SEMA3C: variants seen among roughly 807,000 people sequenced by gnomAD.
SEMA3C encodes semaphorin 3C.
Under a neutral mutation model 89.4 loss-of-function variants are expected in SEMA3C, and 47 were observed. The ratio of observed to expected loss-of-function variants is 0.53; its 90% CI spans 0.42 to 0.67. SEMA3C has a LOEUF of 0.67. Among genes scored for constraint, SEMA3C ranks in the 30% least tolerant of loss-of-function variants. SEMA3C has a pLI of 0.00. For missense variants in SEMA3C, 839 were observed against 929.1 expected (o/e 0.90, Z 1.26); for synonymous variants, 310 against 320.2 (o/e 0.97, Z 0.34).
chr7:80,776,163 G>A (rs767458085), intron 12 of SEMA3C, among the ~76,000 whole-genome samples: 13 of 151,822 alleles, frequency 8.6e-5, no homozygotes, highest in African/African-American at 1.9e-4. Flanking sequence ...ACAAGACCGT[G>A]CTCTACAAAG....
chr7:80,814,999 A>AT (rs1380154317), intron 5 of SEMA3C, among the ~76,000 whole-genome samples: 1 of 152,096 alleles, frequency 6.6e-6, no homozygotes, highest in African/African-American at 2.4e-5. Flanking sequence ...TGTTCCTGCC[A>AT]TTTTCTGCTG....
At chr7:80,833,170 C>T (rs1790047865) in intron 2 of SEMA3C, among the ~76,000 whole-genome samples, 1 of 152,100 alleles carries the variant, frequency 6.6e-6, no homozygotes, top group Non-Finnish European at 1.5e-5. Flanking sequence ...CACGGTGGCT[C>T]ATGCCTGTAA....
intron 2 of SEMA3C, among the ~76,000 whole-genome samples, chr7:80,864,716 A>T (rs892875507): frequency 1.3e-5 from 2 of 152,170 alleles, no homozygotes; most frequent in African/African-American, 4.8e-5. Flanking sequence ...GATTCCTAAC[A>T]TATCACTCTA....
At chr7:80,792,170 C>A (rs939228700) in intron 11 of SEMA3C, among the ~76,000 whole-genome samples, 1 of 152,116 alleles carries the variant, frequency 6.6e-6, no homozygotes, top group African/African-American at 2.4e-5. Flanking sequence ...AAACTGCTCA[C>A]AACAAAGACC....
At chr7:80,919,838 G>A (rs1792375519), upstream of SEMA3C, among the ~76,000 whole-genome samples, 1 of 152,004 alleles carries the variant, frequency 6.6e-6, no homozygotes, top group Admixed American at 6.6e-5. Flanking sequence ...CGCCCAAAGT[G>A]CCGAGAGCCA....
At chr7:80,887,995 T>C (rs1019545166) in intron 2 of SEMA3C, among the ~76,000 whole-genome samples, 4 of 152,216 alleles carry the variant, frequency 2.6e-5, no homozygotes, top group Non-Finnish European at 5.9e-5. Flanking sequence ...TCTTATTACA[T>C]GTTTTAAAGA....
At chr7:80,919,413 G>T, upstream of SEMA3C, 3 of 977,210 alleles carry the variant, frequency 3.1e-6, no homozygotes, top group Non-Finnish European at 3.6e-6. Context: ...GGCTCTCGAA[G>T]ACTTACACAG....
chr7:80,789,585 T>C, intron 11 of SEMA3C, 57 bp from the exon 12 acceptor site: 6 of 1,266,866 alleles, frequency 4.7e-6, no homozygotes, highest in Non-Finnish European at 6.5e-6. Flanking sequence ...GTTCTAGTAA[T>C]AATCAAAAAC....
intron 2 of SEMA3C, among the ~76,000 whole-genome samples, chr7:80,890,018 T>G (rs1397118877): frequency 6.6e-6 from 1 of 152,204 alleles, no homozygotes; most frequent in Non-Finnish European, 1.5e-5. Context: ...GTAAATCAGA[T>G]TAGATGTGCA....
intron 2 of SEMA3C, among the ~76,000 whole-genome samples, chr7:80,909,725 G>A (rs1410659270): frequency 6.6e-6 from 1 of 152,116 alleles, no homozygotes. Flanking sequence ...CATCAAACGA[G>A]CTCTTGATTA....
At chr7:80,773,557 G>A (rs1788481126) in intron 12 of SEMA3C, among the ~76,000 whole-genome samples, 1 of 152,150 alleles carries the variant, frequency 6.6e-6, no homozygotes, top group Non-Finnish European at 1.5e-5. Flanking sequence ...GGCAGTGCAA[G>A]ACTAGAAGAA....
At chr7:80,860,847 G>C (rs981838782) in intron 2 of SEMA3C, among the ~76,000 whole-genome samples, 1 of 152,184 alleles carries the variant, frequency 6.6e-6, no homozygotes, top group African/African-American at 2.4e-5. Flanking sequence ...ATTCTGTTTG[G>C]GGAGACCTAC....
At position 80,918,839 on chromosome 7, in the gene SEMA3C, G is replaced by T; in HGVS notation, c.-50C>A. On this transcript the variant is annotated 5_prime_UTR_variant, in exon 1 of 18. Coordinates refer to ENST00000265361, the MANE Select transcript of SEMA3C (RefSeq NM_006379.5). ...CCAATTTAGCTTACCGAGGTTGAAA[G>T]AAATCAGCACGGAAAAGTCATCAGT... is the stretch of plus-strand genomic sequence containing the variant. The T allele has an allele frequency of 1.0e-6, 1 of 985,466 alleles. No individual in the cohort carries two copies. The highest frequency in any genetic ancestry group is 1.2e-6 in the Non-Finnish European group (1 of 829,930). The allele number at this position is 985,466 out of a possible 1,614,324, so 61.0% of individuals were successfully genotyped here. A position where few individuals can be genotyped will look rare whatever the true frequency, so the allele number is the denominator to read the frequency against.
At chr7:80,766,112 A>G (rs1788296151) in intron 12 of SEMA3C, among the ~76,000 whole-genome samples, 1 of 152,216 alleles carries the variant, frequency 6.6e-6, no homozygotes, top group African/African-American at 2.4e-5. Context: ...ACCATTCAAA[A>G]TCATCTTCAA....
chr7:80,815,293 G>C (rs577606637), intron 5 of SEMA3C, among the ~76,000 whole-genome samples: 3 of 152,094 alleles, frequency 2.0e-5, no homozygotes, highest in African/African-American at 7.2e-5. Context: ...TCTAGGAGAA[G>C]GGATACAAAA....
chr7:80,904,750 T>C (rs548576285), intron 2 of SEMA3C, among the ~76,000 whole-genome samples: 6 of 152,282 alleles, frequency 3.9e-5, no homozygotes, highest in African/African-American at 1.4e-4. Flanking sequence ...TGGCAGTAGG[T>C]TAAAGTCACC....
At chr7:80,859,330 C>T (rs1474078972) in intron 2 of SEMA3C, among the ~76,000 whole-genome samples, 1 of 152,060 alleles carries the variant, frequency 6.6e-6, no homozygotes, top group African/African-American at 2.4e-5. Context: ...CTGTTTAGAA[C>T]AAGTATATTA....
intron 2 of SEMA3C, among the ~76,000 whole-genome samples, chr7:80,870,700 AT>A (rs763735999): frequency 1.3e-4 from 20 of 152,210 alleles, no homozygotes; most frequent in Non-Finnish European, 2.6e-4. Flanking sequence ...CTTATATAAC[AT>A]TGAACCAAAA....
At chr7:80,888,788 TAAG>T (rs1189105298) in intron 2 of SEMA3C, among the ~76,000 whole-genome samples, 1 of 152,166 alleles carries the variant, frequency 6.6e-6, no homozygotes, top group Non-Finnish European at 1.5e-5. Context: ...TGAGTCCAAC[TAAG>T]AAGATGGTAT....
Sources: allele counts gnomAD v4.1 joint callset (sites outside exome capture counted in the v4.1 genomes callset), GRCh38; gene constraint gnomAD v4.1.1; transcripts MANE v1.5; gene names NCBI Gene and HGNC (gene_info 2026-07-23, HGNC 2026-07-21).